FBXL22: variants seen among roughly 807,000 people sequenced by gnomAD.
FBXL22 encodes F-box and leucine rich repeat protein 22.
In FBXL22, 13 loss-of-function variants were observed where a neutral mutation model predicts 11.7. The observed-to-expected ratio is 1.11, with a 90% confidence interval of 0.73 to 1.77. The LOEUF (loss-of-function observed/expected upper bound fraction) is 1.77. Ranked by LOEUF, FBXL22 falls within the 40% of genes most tolerant of loss-of-function variation. The pLI is 0.00. For synonymous variants in FBXL22, 160 were observed against 144.1 expected (o/e 1.11, Z -0.79); for missense variants, 406 against 320.4 (o/e 1.27, Z -2.04).
At chr15:63,606,858 G>T (rs986087527), downstream of FBXL22, among the ~76,000 whole-genome samples, 2 of 152,174 alleles carry the variant, frequency 1.3e-5, no homozygotes, top group Admixed American at 6.5e-5. Context: ...CCAGCCTTCT[G>T]GGGGTCCTCC....
At chr15:63,601,302 T>G, downstream of FBXL22, 1 of 1,586,800 alleles carries the variant, frequency 6.3e-7, no homozygotes, top group East Asian at 2.3e-5. Flanking sequence ...CCAGGCTTTC[T>G]GCTGTGCGCT....
At chr15:63,598,980 T>C (rs1232977897) in intron 1 of FBXL22, among the ~76,000 whole-genome samples, 1 of 152,200 alleles carries the variant, frequency 6.6e-6, no homozygotes, top group Non-Finnish European at 1.5e-5. Context: ...CCCAGGCCAC[T>C]GTACTGATCA....
chr15:63,600,643 G>A (rs986311445), intron 1 of FBXL22, 54 bp from the exon 2 acceptor site: 4 of 1,231,118 alleles, frequency 3.2e-6, no homozygotes, highest in East Asian at 6.3e-5. Flanking sequence ...CCATGGGGCG[G>A]TTGGGTAGCT....
At chr15:63,600,187 CCCCACCG>C (rs1372256587) in intron 1 of FBXL22, 1 of 986,118 alleles carries the variant, frequency 1.0e-6, no homozygotes, top group Non-Finnish European at 1.2e-6. Flanking sequence ...TAACGCGTGC[CCCCACCG>C]CCTTGAGGGT....
downstream of FBXL22, chr15:63,602,098 G>A: frequency 5.7e-6 from 1 of 174,038 alleles, no homozygotes; most frequent in Non-Finnish European, 1.2e-5. Context: ...TCCACCCAGC[G>A]CCAGCTGCGA....
chr15:63,598,763 G>A (rs1396713997), intron 1 of FBXL22, among the ~76,000 whole-genome samples: 1 of 152,208 alleles, frequency 6.6e-6, no homozygotes, highest in Non-Finnish European at 1.5e-5. Context: ...TGAGCTGGTA[G>A]GAAGAAAACA....
In FBXL22 at chr15:63,601,005, C is replaced by T; in HGVS notation, c.662C>T (p.Pro221Leu). ...GACCAGCCCCCGCGCCCGCGCGCGC[C>T]CGCCGCGGCCCTCGGCAAGCTGCTG... ...LPDQPPRPRA[P>L]AAALGKLLQR The change falls in exon 2 of 2, where the codon CCC becomes CTC. Residue 221 changes from proline (P) to leucine (L), a missense_variant. Pro to Leu is a moderately conservative substitution (Grantham distance 98). Coordinates refer to ENST00000638704, the MANE Select transcript of FBXL22 (RefSeq NM_001367807.1). 5.0e-6 allele frequency: 6 copies of T among 1,196,270 alleles called. No individual in the cohort carries two copies. The highest frequency in any genetic ancestry group is 6.6e-4 in the Middle Eastern group (2 of 3,018). The allele number at this position is 1,196,270 out of a possible 1,614,324, so 74.1% of individuals were successfully genotyped here. A position where few individuals can be genotyped will look rare whatever the true frequency, so the allele number is the denominator to read the frequency against.
At position 63,599,600 on chromosome 15, in the gene FBXL22, C is replaced by T. The variant is rs781190625; in HGVS notation, c.354-1097C>T. On this transcript the variant is annotated intron_variant, in intron 1 of 1. Coordinates refer to ENST00000638704, the MANE Select transcript of FBXL22 (RefSeq NM_001367807.1). ...TGAAGGAGGCCCGGGCTCGGTGTGA[C>T]ACCTGGCTGCACCCAACATATTTAA... 277 of 1,006,710 alleles carry T rather than the reference C, an allele frequency of 2.8e-4. 1 individual carries two copies. The highest frequency in any genetic ancestry group is 3.2e-4 in the Non-Finnish European group (270 of 843,386). The allele number at this position is 1,006,710 out of a possible 1,614,324, so 62.4% of individuals were successfully genotyped here.
chr15:63,600,937 G>A lies in FBXL22; in HGVS notation c.594G>A (p.Pro198=). The change falls in exon 2 of 2, where the codon CCG becomes CCA. Residue 198 remains proline, a synonymous_variant. Transcript: ENST00000638704. ...AGLRRLRAAC[P]RLALRAEHSA... ...TGCGCCGCCTGCGCGCCGCGTGCCC[G>A]CGCCTGGCCCTGCGGGCAGAGCACA... 1 of 1,204,018 alleles carries A rather than the reference G, an allele frequency of 8.3e-7. No homozygotes were observed. The highest frequency in any genetic ancestry group is 1.0e-6 in the Non-Finnish European group (1 of 970,184). The allele number at this position is 1,204,018 out of a possible 1,614,324, so 74.6% of individuals were successfully genotyped here. A position where few individuals can be genotyped will look rare whatever the true frequency, so the allele number is the denominator to read the frequency against.
chr15:63,607,057 CTTTTTTT>C (rs71131174), downstream of FBXL22, among the ~76,000 whole-genome samples: 1 of 137,826 alleles, frequency 7.3e-6, no homozygotes, highest in Non-Finnish European at 1.6e-5. Context: ...AGCACAGATG[CTTTTTTT>C]TTTTTTTTTC....
intron 1 of FBXL22, chr15:63,599,088 T>A: frequency 4.9e-6 from 5 of 1,026,242 alleles, no homozygotes; most frequent in Non-Finnish European, 7.3e-6. Context: ...CCAGCTCAAA[T>A]ACTTCAAACT....
At chr15:63,599,081 G>A in intron 1 of FBXL22, 1 of 966,564 alleles carries the variant, frequency 1.0e-6, no homozygotes, top group Non-Finnish European at 1.6e-6. Context: ...TGTGACCCCA[G>A]CTCAAATACT....
chr15:63,599,073 T>C, intron 1 of FBXL22: 1 of 891,034 alleles, frequency 1.1e-6, no homozygotes, highest in Non-Finnish European at 1.8e-6. Flanking sequence ...TCCAACCATG[T>C]GACCCCAGCT....
At chr15:63,605,559 T>C (rs967208231), downstream of FBXL22, among the ~76,000 whole-genome samples, 2 of 152,154 alleles carry the variant, frequency 1.3e-5, no homozygotes, top group African/African-American at 4.8e-5. Flanking sequence ...AATATTTCCA[T>C]TGGCAGGCAT....
At chr15:63,606,519 C>T (rs2067413703), downstream of FBXL22, among the ~76,000 whole-genome samples, 1 of 152,170 alleles carries the variant, frequency 6.6e-6, no homozygotes, top group Non-Finnish European at 1.5e-5. Context: ...TTCAGCTCCT[C>T]AGATCAGGGA....
At chr15:63,600,100 C>T in intron 1 of FBXL22, 2 of 985,756 alleles carry the variant, frequency 2.0e-6, no homozygotes, top group Non-Finnish European at 2.4e-6. Flanking sequence ...GCCTCCGAAC[C>T]CTACCCTTTT....
downstream of FBXL22, among the ~76,000 whole-genome samples, chr15:63,607,180 G>A (rs759831002): frequency 2.4e-4 from 37 of 152,020 alleles, no homozygotes; most frequent in Non-Finnish European, 4.9e-4. Context: ...TGAGTAGCTG[G>A]GACTACAGGT....
At chr15:63,606,749 G>T (rs554325451), downstream of FBXL22, among the ~76,000 whole-genome samples, 2 of 152,316 alleles carry the variant, frequency 1.3e-5, no homozygotes, top group Admixed American at 6.5e-5. Flanking sequence ...ACGAAACAGT[G>T]TGTGTTATAA....
chr15:63,600,125 C>G (rs2067343408), intron 1 of FBXL22: 1 of 985,790 alleles, frequency 1.0e-6, no homozygotes, highest in Non-Finnish European at 1.2e-6. Context: ...GCTGGTGGCC[C>G]AGGGGATGCA....
Sources: gnomAD v4.1 joint callset for allele counts (sites outside exome capture counted in the v4.1 genomes callset) on GRCh38, gnomAD v4.1.1 for gene constraint, MANE v1.5 for transcripts, NCBI Gene and HGNC (gene_info 2026-07-23, HGNC 2026-07-21) for gene names.